The following TMEM248 variants were observed in gnomAD, a reference collection of about 807,000 sequenced individuals.
TMEM248 encodes transmembrane protein 248, also known as UPF0458 protein C7orf42.
Under a neutral mutation model 30.3 loss-of-function variants are expected in TMEM248, and 9 were observed. The observed-to-expected ratio is 0.30, with a 90% CI of 0.18 to 0.52. The LOEUF is 0.52. TMEM248 is among the 20% of genes least tolerant of loss of function. The pLI, the probability that TMEM248 is intolerant of heterozygous loss-of-function variation, is 0.97. For synonymous variants in TMEM248, 184 were observed against 154.4 expected, an observed-to-expected ratio of 1.19 and a Z score of -1.42; for missense variants, 338 against 403.3, an observed-to-expected ratio of 0.84 and a Z score of 1.39.
intron 1 of TMEM248, among the ~76,000 whole-genome samples, chr7:66,941,605 A>G (rs1200606549): frequency 1.3e-5 from 2 of 151,600 alleles, no homozygotes; most frequent in East Asian, 3.9e-4. Context: ...CACAATATTT[A>G]GAAGATTCAA....
chr7:66,936,319 T>C (rs964666572), intron 1 of TMEM248, among the ~76,000 whole-genome samples: 10 of 152,244 alleles, frequency 6.6e-5, no homozygotes, highest in Admixed American at 6.5e-4. Flanking sequence ...ATGGATCATA[T>C]GGTTTTTGTC....
chr7:66,935,078 T>C (rs1224700788), intron 1 of TMEM248, among the ~76,000 whole-genome samples: 1 of 152,008 alleles, frequency 6.6e-6, no homozygotes, highest in Non-Finnish European at 1.5e-5. Flanking sequence ...AAAACAAAAA[T>C]AAGTTTTTGT....
chr7:66,948,540 A>C lies in TMEM248; in HGVS notation c.446-4A>C. The C allele has an allele frequency of 6.2e-7, 1 of 1,612,482 alleles. No homozygotes were observed. Among genetic ancestry groups the C allele is most frequent in the Non-Finnish European group, 8.5e-7 (1 of 1,179,292 alleles). On this transcript the variant is annotated splice_region_variant and splice_polypyrimidine_tract_variant and intron_variant, in intron 3 of 6. Transcript: ENST00000341567. ...TTTATAAAAAAATGATTTCTCTTTC[A>C]TAGGCAGGGAAGCCCACGAGGAGAT... is the stretch of plus-strand genomic sequence containing the variant.
chr7:66,938,847 A>G (rs1353356665), intron 1 of TMEM248, among the ~76,000 whole-genome samples: 1 of 152,242 alleles, frequency 6.6e-6, no homozygotes, highest in African/African-American at 2.4e-5. Flanking sequence ...CATAAACCAT[A>G]TTAAAGAAAA....
intron 1 of TMEM248, among the ~76,000 whole-genome samples, chr7:66,934,575 C>A (rs1791752963): frequency 1.3e-5 from 2 of 152,112 alleles, no homozygotes; most frequent in South Asian, 4.1e-4. Context: ...CTTATGTTGA[C>A]AATATTTGCC....
Position 66,956,195 on chromosome 7 carries a change from GTTAAATA to G in TMEM248, c.*676_*682del, listed in dbSNP as rs1792399512. The G allele has an allele frequency of 6.6e-6, 1 of 152,088 alleles. No homozygotes were observed. Among genetic ancestry groups the G allele is most frequent in the African/African-American group, 2.4e-5 (1 of 41,384 alleles). The allele number at this position is 152,088 out of a possible 1,614,324, so 9.4% of individuals were successfully genotyped here. Reference sequence around the variant, plus strand: ...CTTGTGCTTTTATCCTGACTAAAAAGTTAAATATTTAAGTCACATACATGGTAAAGAT... The same window carrying G: ...CTTGTGCTTTTATCCTGACTAAAAAGTTTAAGTCACATACATGGTAAAGAT... On this transcript the variant is annotated 3_prime_UTR_variant, in exon 7 of 7. Transcript: ENST00000341567.
In TMEM248 at chr7:66,924,844, G is replaced by A. The variant is rs180952645; in HGVS notation, c.-19+3383G>A. ...TCTGGCTCAGCCTCCCGTGTAGCTG[G>A]GACTACAGGCACGCACCACCACGCC... On this transcript the variant is annotated intron_variant, in intron 1 of 6. Transcript: ENST00000341567. Among the ~76,000 whole-genome samples, 78 of 151,968 alleles carry A rather than the reference G, an allele frequency of 5.1e-4. 2 individuals are homozygous for A. The South Asian group carries it at 0.011, about 21-fold the overall frequency.
intron 1 of TMEM248, among the ~76,000 whole-genome samples, chr7:66,936,484 A>G (rs548258075): frequency 5.9e-5 from 9 of 151,532 alleles, no homozygotes; most frequent in South Asian, 4.2e-4. Context: ...ATTTACAACA[A>G]TCTTCATCAG....
At chr7:66,955,408 T>C (rs536397278) in intron 6 of TMEM248, 94 bp from the exon 7 acceptor site, 85 of 1,381,802 alleles carry the variant, frequency 6.2e-5, no homozygotes, top group African/African-American at 6.1e-4. Context: ...CTGGTTGATA[T>C]GTGCAATTAG....
rs1792246299 is a variant in TMEM248, at chr7:66,950,908, C to G, written c.597-44C>G. On this transcript the variant is annotated intron_variant, in intron 4 of 6. Transcript: ENST00000341567. ...GTGGGGGTGACACAAGTGAATGACT[C>G]AGGCCACTGAGCACGTGTCTTTCCT... is the stretch of plus-strand genomic sequence containing the variant. 12 of 1,478,896 alleles carry G rather than the reference C, an allele frequency of 8.1e-6. No individual in the cohort carries two copies. In the East Asian group the frequency reaches 2.7e-4, roughly 34 times the overall value. 91.6% of individuals were successfully genotyped at this position (1,478,896 alleles called of 1,614,324 possible).
intron 3 of TMEM248, among the ~76,000 whole-genome samples, chr7:66,946,085 CAAA>C (rs34151581): frequency 1.9e-5 from 2 of 104,144 alleles, no homozygotes. Flanking sequence ...ACTCTCTCTC[CAAA>C]AAAAAAAAAA....
In TMEM248 at chr7:66,927,624, G is replaced by GTT. The variant is rs369608291; in HGVS notation, c.-19+6177_-19+6178dup. ...GCTAATTTTTTTTAATTTGGGTTTTGTTTTTTTTTTTTTTTAGGGACGGGG... is the reference window on the plus strand; with the variant it reads ...GCTAATTTTTTTTAATTTGGGTTTTGTTTTTTTTTTTTTTTTTAGGGACGGGG... On this transcript the variant is annotated intron_variant, in intron 1 of 6. Transcript: ENST00000341567. 5.1e-3 allele frequency among the ~76,000 whole-genome samples: 644 copies of GTT among 126,284 alleles called. 3 individuals carry two copies. The highest frequency in any genetic ancestry group is 9.2e-3 in the Non-Finnish European group (539 of 58,522). The allele number at this position is 126,284 out of a possible 152,430, so 82.8% of individuals were successfully genotyped here. A position where few individuals can be genotyped will look rare whatever the true frequency, so the allele number is the denominator to read the frequency against.
rs143751852 is a variant in TMEM248, at chr7:66,944,934, C to T, written c.160-42C>T. 293 of 1,603,438 alleles carry T rather than the reference C, an allele frequency of 1.8e-4. 1 individual carries two copies. In the African/African-American group the frequency reaches 3.0e-3, roughly 17 times the overall value. ...CTGTATTCCCGCAGTGGGAGACAGG[C>T]GCTGCTTAACACCCATTTCTCTTTC... On this transcript the variant is annotated intron_variant, in intron 2 of 6. Coordinates refer to ENST00000341567, the MANE Select transcript of TMEM248 (RefSeq NM_017994.5).
intron 1 of TMEM248, among the ~76,000 whole-genome samples, chr7:66,937,528 G>T (rs1347941788): frequency 1.3e-5 from 2 of 152,094 alleles, no homozygotes; most frequent in African/African-American, 4.8e-5. Flanking sequence ...ATGTATCTTG[G>T]TGCTCCAGTG....
chr7:66,941,218 T>TA (rs1240260108), intron 1 of TMEM248, among the ~76,000 whole-genome samples: 1 of 151,936 alleles, frequency 6.6e-6, no homozygotes, highest in East Asian at 1.9e-4. Flanking sequence ...CCATCTCTAC[T>TA]AAAAATACAA....
chr7:66,958,491 TTAA>T lies in TMEM248; in HGVS notation c.*2971_*2973del. ...ATCTGTTATGGCATTCACTTCCAGA[TTAA>T]TTTTCCGTGTTTGAAGTATGTGCAT... On this transcript the variant is annotated 3_prime_UTR_variant, in exon 7 of 7. Transcript: ENST00000341567. The T allele has an allele frequency of 6.5e-6, 1 of 152,674 alleles. No homozygotes were observed. The highest frequency in any genetic ancestry group is 1.5e-5 in the Non-Finnish European group (1 of 68,054). The allele number at this position is 152,674 out of a possible 1,614,324, so 9.5% of individuals were successfully genotyped here.
intron 1 of TMEM248, among the ~76,000 whole-genome samples, chr7:66,928,231 T>C (rs1457311150): frequency 6.6e-6 from 1 of 152,148 alleles, no homozygotes; most frequent in African/African-American, 2.4e-5. Flanking sequence ...AAAAAGAAAC[T>C]AAGTTAAACA....
At chr7:66,927,778 G>A (rs1385993114) in intron 1 of TMEM248, among the ~76,000 whole-genome samples, 1 of 152,024 alleles carries the variant, frequency 6.6e-6, no homozygotes, top group East Asian at 1.9e-4. Context: ...CCTTTTAAAC[G>A]TGAGTTATTG....
intron 1 of TMEM248, among the ~76,000 whole-genome samples, chr7:66,936,589 C>T (rs1419509721): frequency 6.6e-6 from 1 of 151,608 alleles, no homozygotes; most frequent in East Asian, 1.9e-4. Context: ...TGGAGGTACT[C>T]CCTCTTCTTC....
Sources: gnomAD v4.1 joint callset for allele counts (sites outside exome capture counted in the v4.1 genomes callset) on GRCh38, gnomAD v4.1.1 for gene constraint, MANE v1.5 for transcripts, NCBI Gene and HGNC (gene_info 2026-07-23, HGNC 2026-07-21) for gene names.